The following PHF21B variants were observed in gnomAD, a reference collection of about 807,000 sequenced individuals.
PHF21B encodes the protein PHD finger protein 21B.
PHF21B carries 22 observed loss-of-function variants against 62.2 expected under a neutral mutation model. That is an observed-to-expected ratio of 0.35 (90% CI 0.25 to 0.51). PHF21B has a LOEUF of 0.51. Ranked by LOEUF, PHF21B falls within the 20% of genes least tolerant of loss-of-function variation. The pLI is 0.97. For missense variants in PHF21B, 701 were observed against 707.9 expected (o/e 0.99, Z 0.11); for synonymous variants, 341 against 314.7 (o/e 1.08, Z -0.88).
chr22:44,908,468 G>A (rs1398165869), intron 5 of PHF21B, among the ~76,000 whole-genome samples: 1 of 152,114 alleles, frequency 6.6e-6, no homozygotes, highest in Non-Finnish European at 1.5e-5. Context: ...GGGTCACTCT[G>A]GGACACTGCT....
At chr22:44,933,655 TC>T in intron 2 of PHF21B, 1 of 316,534 alleles carries the variant, frequency 3.2e-6, no homozygotes, top group Non-Finnish European at 4.6e-6. Context: ...GTCACGCACC[TC>T]CATGCCTAGT....
chr22:44,974,101 T>G (rs2072690841), intron 2 of PHF21B, among the ~76,000 whole-genome samples: 1 of 152,090 alleles, frequency 6.6e-6, no homozygotes, highest in Admixed American at 6.6e-5. Flanking sequence ...GCCTGGAGTG[T>G]TTGTGTGTGA....
chr22:45,006,338 A>G (rs779830162), intron 2 of PHF21B, among the ~76,000 whole-genome samples: 12 of 152,306 alleles, frequency 7.9e-5, no homozygotes, highest in Admixed American at 2.0e-4. Flanking sequence ...AAGGCCGGAG[A>G]AAAAAAGTTT....
intron 2 of PHF21B, among the ~76,000 whole-genome samples, chr22:44,979,267 C>T (rs1036834474): frequency 2.0e-5 from 3 of 152,232 alleles, no homozygotes; most frequent in African/African-American, 4.8e-5. Flanking sequence ...CAGCCCTGGT[C>T]CTTTGGTATT....
intron 2 of PHF21B, among the ~76,000 whole-genome samples, chr22:44,964,538 G>C (rs887265509): frequency 6.6e-6 from 1 of 152,200 alleles, no homozygotes; most frequent in Non-Finnish European, 1.5e-5. Context: ...TACTCACTGC[G>C]GCTCAGCATT....
intron 2 of PHF21B, among the ~76,000 whole-genome samples, chr22:44,950,364 A>T (rs1003492627): frequency 5.3e-5 from 8 of 152,220 alleles, no homozygotes; most frequent in Non-Finnish European, 1.0e-4. Context: ...GTGCTAGCCA[A>T]AAGAGGAATA....
intron 2 of PHF21B, among the ~76,000 whole-genome samples, chr22:44,977,496 C>T (rs376051454): frequency 2.6e-5 from 4 of 151,284 alleles, no homozygotes; most frequent in Admixed American, 1.3e-4. Flanking sequence ...ACCTGAGAGG[C>T]GGAGGTTGCA....
rs559726677 is a variant in PHF21B, at chr22:44,914,854, C to T, written c.565-766G>A. On this transcript the variant is annotated intron_variant, in intron 4 of 12. Transcript: ENST00000313237. ...ATCCACCCATCCGGCCCAGCCTCTCCCTGGGCCAGGATCCGCTCCATCTCT... is the reference window on the plus strand; with the variant it reads ...ATCCACCCATCCGGCCCAGCCTCTCTCTGGGCCAGGATCCGCTCCATCTCT... Among the ~76,000 whole-genome samples the T allele has an allele frequency of 5.6e-4, 85 of 152,322 alleles. 1 individual carries two copies. The South Asian group carries it at 0.017, about 31-fold the overall frequency.
chr22:44,931,172 G>A (rs376395434), intron 2 of PHF21B, among the ~76,000 whole-genome samples: 12 of 152,274 alleles, frequency 7.9e-5, no homozygotes, highest in South Asian at 4.2e-4. Flanking sequence ...CACCCATCTC[G>A]GCCTCCCAAA....
At chr22:44,904,259 CCTTTT>C (rs2071210728) in intron 5 of PHF21B, among the ~76,000 whole-genome samples, 1 of 152,030 alleles carries the variant, frequency 6.6e-6, no homozygotes, top group Non-Finnish European at 1.5e-5. Context: ...CTAGAATTTT[CCTTTT>C]ATCTGCTTTG....
At chr22:45,006,169 C>T (rs953431863) in intron 2 of PHF21B, among the ~76,000 whole-genome samples, 3 of 152,210 alleles carry the variant, frequency 2.0e-5, no homozygotes, top group African/African-American at 4.8e-5. Context: ...CCGCAGCCCC[C>T]TCCCCTCCCT....
At chr22:45,004,038 A>G (rs1033708160) in intron 2 of PHF21B, among the ~76,000 whole-genome samples, 1 of 152,204 alleles carries the variant, frequency 6.6e-6, no homozygotes, top group East Asian at 1.9e-4. Context: ...AGAACAGGCA[A>G]CTCTAGAGAC....
Position 44,983,456 on chromosome 22 carries a change from G to A in PHF21B, c.120+25089C>T, listed in dbSNP as rs181193313. Among the ~76,000 whole-genome samples the A allele has an allele frequency of 4.0e-3, 610 of 152,236 alleles. 8 individuals are homozygous for A. The highest frequency in any genetic ancestry group is 4.1e-3 in the Non-Finnish European group (278 of 68,008). Reference sequence around the variant, plus strand: ...GCTTCAGCATGAACCCCCACTAGTGGCAAAGGCCCTGAGGAAACCGGAACA... The same window carrying A: ...GCTTCAGCATGAACCCCCACTAGTGACAAAGGCCCTGAGGAAACCGGAACA... On this transcript the variant is annotated intron_variant, in intron 2 of 12. Coordinates refer to ENST00000313237, the MANE Select transcript of PHF21B (RefSeq NM_138415.5).
At chr22:44,939,867 G>C (rs2071922429) in intron 2 of PHF21B, among the ~76,000 whole-genome samples, 1 of 152,194 alleles carries the variant, frequency 6.6e-6, no homozygotes, top group Non-Finnish European at 1.5e-5. Flanking sequence ...AGGGAGACCA[G>C]GAGGAGGTTG....
intron 2 of PHF21B, among the ~76,000 whole-genome samples, chr22:44,925,887 A>C (rs1601605745): frequency 6.6e-6 from 1 of 152,190 alleles, no homozygotes; most frequent in African/African-American, 2.4e-5. Context: ...AGCCAGTGCC[A>C]TTTATGCAGC....
chr22:44,925,389 T>C (rs546637808), intron 2 of PHF21B, among the ~76,000 whole-genome samples: 1 of 152,272 alleles, frequency 6.6e-6, no homozygotes, highest in South Asian at 2.1e-4. Flanking sequence ...TCAAATGACA[T>C]GGCAGAGGGT....
intron 8 of PHF21B, 39 bp from the exon 9 acceptor site, chr22:44,889,821 C>G (rs369401413): frequency 5.9e-6 from 9 of 1,538,138 alleles, no homozygotes; most frequent in Non-Finnish European, 7.8e-6. Context: ...CGTTAGTGGC[C>G]GTCAGAGGAG....
At chr22:45,004,090 G>C (rs1254776430) in intron 2 of PHF21B, among the ~76,000 whole-genome samples, 1 of 152,176 alleles carries the variant, frequency 6.6e-6, no homozygotes, top group African/African-American at 2.4e-5. Context: ...AAGGGGGAAA[G>C]GGGAGAGGGG....
At chr22:44,888,189 G>GCCAGGC (rs1280311128) in intron 9 of PHF21B, 68 bp from the exon 10 acceptor site, 2 of 1,408,232 alleles carry the variant, frequency 1.4e-6, no homozygotes, top group Non-Finnish European at 9.3e-7. Flanking sequence ...GTCAGCCAGG[G>GCCAGGC]CCAGGCCCAG....
Sources: gnomAD v4.1 joint callset for allele counts (sites outside exome capture counted in the v4.1 genomes callset) on GRCh38, gnomAD v4.1.1 for gene constraint, MANE v1.5 for transcripts, NCBI Gene and HGNC (gene_info 2026-07-23, HGNC 2026-07-21) for gene names.